The following RGL1 variants were observed in gnomAD, a reference collection of about 807,000 sequenced individuals.
The protein encoded by RGL1 is ral guanine nucleotide dissociation stimulator like 1, also known as ral guanine nucleotide dissociation stimulator-like 1.
A neutral mutation model predicts 95.2 loss-of-function variants in RGL1; 24 were observed. That is an observed-to-expected ratio of 0.25 (90% confidence interval 0.18 to 0.35). The LOEUF (loss-of-function observed/expected upper bound fraction) is 0.35, where lower values mean the gene tolerates loss of function less well. Ranked by LOEUF, RGL1 falls within the 10% of genes least tolerant of loss-of-function variation. The pLI is 1.00. For missense variants in RGL1, 715 were observed against 936.3 expected (o/e 0.76, Z 3.08); for synonymous variants, 329 against 344.9 (o/e 0.95, Z 0.51).
chr1:183,787,464 C>T (rs1236942345), intron 2 of RGL1, among the ~76,000 whole-genome samples: 1 of 152,154 alleles, frequency 6.6e-6, no homozygotes, highest in Non-Finnish European at 1.5e-5. Flanking sequence ...GCACTAACAC[C>T]TAAGTATTTC....
rs1395350314 is a variant in RGL1 at position 183,730,816 on chromosome 1, C to T, written c.-32-11310C>T. Among the ~76,000 whole-genome samples the T allele has an allele frequency of 2.0e-5, 3 of 152,120 alleles. No individual in the cohort carries two copies. In the East Asian group the frequency reaches 5.8e-4, roughly 29 times the overall value. On this transcript the variant is annotated intron_variant, in intron 1 of 18. Transcript: ENST00000304685. The stretch of plus-strand genomic sequence containing the variant: ...TGACTTAATCAATGTACTTATTTCT[C>T]AGGTAAGACCTCAAAACTATTTGGA...
chr1:183,831,775 AG>A (rs1158553987), intron 2 of RGL1, among the ~76,000 whole-genome samples: 1 of 152,206 alleles, frequency 6.6e-6, no homozygotes, highest in Non-Finnish European at 1.5e-5. Flanking sequence ...ATTTGGTTGA[AG>A]GCCAATTTCT....
intron 7 of RGL1, among the ~76,000 whole-genome samples, chr1:183,887,035 T>G (rs1476384900): frequency 6.6e-6 from 1 of 151,906 alleles, no homozygotes; most frequent in Non-Finnish European, 1.5e-5. Context: ...CTGAGTTCCT[T>G]TTTTTATTGC....
rs1405823555 is a variant in RGL1 at position 183,741,962 on chromosome 1, A to C, written c.-32-164A>C. Among the ~76,000 whole-genome samples, 2 of 152,170 alleles carry C rather than the reference A, an allele frequency of 1.3e-5. 1 individual carries two copies. The highest frequency in any genetic ancestry group is 2.9e-5 in the Non-Finnish European group (2 of 68,022). The stretch of plus-strand genomic sequence containing the variant: ...CCAAAGCCTGCATTAAAATACCAAT[A>C]ATGAATATTTAGAATATAAAAGTGG... On this transcript the variant is annotated intron_variant, in intron 1 of 18. Coordinates refer to the RGL1 transcript ENST00000304685.
chr1:183,778,011 A>G (rs1659688596), intron 2 of RGL1, among the ~76,000 whole-genome samples: 1 of 152,196 alleles, frequency 6.6e-6, no homozygotes, highest in South Asian at 2.1e-4. Context: ...TGTCCAAGAA[A>G]ATTTTTAAGC....
chr1:183,907,270 T>TTCTTC (rs1668390333), intron 14 of RGL1, among the ~76,000 whole-genome samples, 169 bp downstream of exon 14: 1 of 152,210 alleles, frequency 6.6e-6, no homozygotes, highest in Non-Finnish European at 1.5e-5. Flanking sequence ...GCTGAGTCCA[T>TTCTTC]TCTTCTCCAC....
chr1:183,697,159 C>T (rs1254885182), intron 1 of RGL1, among the ~76,000 whole-genome samples: 7 of 152,104 alleles, frequency 4.6e-5, no homozygotes, highest in Non-Finnish European at 2.9e-5. Flanking sequence ...GAGCAACTTC[C>T]ACCCAGGGCA....
intron 2 of RGL1, among the ~76,000 whole-genome samples, chr1:183,798,511 T>A (rs1000294387): frequency 3.3e-5 from 5 of 152,086 alleles, no homozygotes; most frequent in Non-Finnish European, 5.9e-5. Flanking sequence ...CCTTTATTAT[T>A]ATTATTAGTA....
At chr1:183,892,516 A>T (rs1018071126) in intron 9 of RGL1, among the ~76,000 whole-genome samples, 1 of 152,176 alleles carries the variant, frequency 6.6e-6, no homozygotes, top group African/African-American at 2.4e-5. Flanking sequence ...AAACATCTAG[A>T]ATGACAGAGG....
intron 2 of RGL1, among the ~76,000 whole-genome samples, chr1:183,807,747 G>A (rs1409303642): frequency 6.6e-6 from 1 of 152,218 alleles, no homozygotes; most frequent in African/African-American, 2.4e-5. Context: ...ATCTGCAGGT[G>A]TGGTCTGGAA....
In RGL1 at chr1:183,750,377, A is replaced by G. The variant is rs542831908; in HGVS notation, c.132+8088A>G. 3.9e-5 allele frequency among the ~76,000 whole-genome samples: 6 copies of G among 152,222 alleles called. No homozygotes were observed. The East Asian group carries it at 1.2e-3, about 29-fold the overall frequency. ...AGCTATTGATACTTGTGTATGCTTC[A>G]TGAAATTCTTGTGCTGTGTTTTTCA... is the stretch of plus-strand genomic sequence containing the variant. On this transcript the variant is annotated intron_variant, in intron 2 of 18. Coordinates refer to the RGL1 transcript ENST00000304685.
chr1:183,827,151 G>C (rs1260946292), intron 2 of RGL1, among the ~76,000 whole-genome samples: 4 of 152,188 alleles, frequency 2.6e-5, no homozygotes, highest in African/African-American at 9.7e-5. Flanking sequence ...TTGAACTACT[G>C]GCCTCAAGTG....
chr1:183,693,394 A>G (rs771055258), intron 1 of RGL1, among the ~76,000 whole-genome samples: 3 of 152,026 alleles, frequency 2.0e-5, no homozygotes, highest in Non-Finnish European at 2.9e-5. Context: ...GGCACATTTT[A>G]CCTGGAAGCT....
chr1:183,916,851 C>T, intron 16 of RGL1, 150 bp downstream of exon 16: 1 of 836,856 alleles, frequency 1.2e-6, no homozygotes, highest in Non-Finnish European at 1.8e-6. Context: ...GTGTCAGTTC[C>T]AGGTCTCCCT....
chr1:183,802,618 A>AAC (rs1558214950), upstream of RGL1, among the ~76,000 whole-genome samples: 1 of 151,744 alleles, frequency 6.6e-6, no homozygotes, highest in African/African-American at 2.4e-5. Context: ...AAAAAAAAAA[A>AAC]AAACCCTTAT....
At chr1:183,648,843 C>T (rs1449722548) in intron 1 of RGL1, 2 of 1,368,710 alleles carry the variant, frequency 1.5e-6, no homozygotes, top group African/African-American at 2.9e-5. Context: ...CATATAAAAC[C>T]AGCGCAGGAA....
rs1217772731 is a variant in RGL1, at chr1:183,922,208, C to T, written c.2005-14C>T. 6.2e-7 allele frequency: 1 copy of T among 1,607,236 alleles called. No homozygotes were observed. The highest frequency in any genetic ancestry group is 1.1e-5 in the South Asian group (1 of 90,930). ...AAGCTAAGTACTTTACAAACCTGTT[C>T]ATTGTCTTTGCAGTTGACGAGCCAG... On this transcript the variant is annotated splice_polypyrimidine_tract_variant and intron_variant, in intron 16 of 17. Coordinates refer to ENST00000360851, the MANE Select transcript of RGL1 (RefSeq NM_001297671.3).
At chr1:183,766,211 C>A (rs530617917) in intron 2 of RGL1, among the ~76,000 whole-genome samples, 1 of 152,244 alleles carries the variant, frequency 6.6e-6, no homozygotes, top group South Asian at 2.1e-4. Flanking sequence ...TCGAGACCAG[C>A]CTGGCTAACA....
At chr1:183,730,211 C>G (rs948633164) in intron 1 of RGL1, among the ~76,000 whole-genome samples, 4 of 152,164 alleles carry the variant, frequency 2.6e-5, no homozygotes, top group African/African-American at 9.7e-5. Flanking sequence ...TTGACAATTT[C>G]TCCATAGTAT....
Sources: gnomAD v4.1 joint callset for allele counts (sites outside exome capture counted in the v4.1 genomes callset) on GRCh38, gnomAD v4.1.1 for gene constraint, MANE v1.5 for transcripts, NCBI Gene and HGNC (gene_info 2026-07-23, HGNC 2026-07-21) for gene names.